TDRD10: variants seen among roughly 807,000 people sequenced by gnomAD.
TDRD10 encodes the protein tudor domain containing 10.
Under a neutral mutation model 48.0 loss-of-function variants are expected in TDRD10, and 40 were observed. That is an observed-to-expected ratio of 0.83 (90% CI 0.65 to 1.09). The LOEUF (loss-of-function observed/expected upper bound fraction) is 1.09. TDRD10 is among the 50% of genes least tolerant of loss of function. The pLI is 0.00. For missense variants in TDRD10, 378 were observed against 434.7 expected, an observed-to-expected ratio of 0.87 and a Z score of 1.16; for synonymous variants, 162 against 170.4, an observed-to-expected ratio of 0.95 and a Z score of 0.38.
chr1:154,515,543 G>A (rs1323301530), intron 4 of TDRD10, among the ~76,000 whole-genome samples: 1 of 152,202 alleles, frequency 6.6e-6, no homozygotes, highest in Non-Finnish European at 1.5e-5. Flanking sequence ...GTTCAGCCCA[G>A]AACCTGCCAT....
At chr1:154,528,501 A>G (rs1694431579) in intron 6 of TDRD10, among the ~76,000 whole-genome samples, 1 of 151,826 alleles carries the variant, frequency 6.6e-6, no homozygotes, top group Admixed American at 6.6e-5. Flanking sequence ...GCAGGATTAC[A>G]GGTGTGAGAT....
At chr1:154,541,301 G>C (rs1036403836) in intron 6 of TDRD10, among the ~76,000 whole-genome samples, 1 of 151,944 alleles carries the variant, frequency 6.6e-6, no homozygotes, top group Non-Finnish European at 1.5e-5. Context: ...AGGGGTTGGT[G>C]GTGGGGGTTG....
chr1:154,536,666 T>G (rs1408526247), intron 6 of TDRD10, among the ~76,000 whole-genome samples: 3 of 152,202 alleles, frequency 2.0e-5, no homozygotes, highest in African/African-American at 7.2e-5. Context: ...GCCCAAAAGA[T>G]TCCCCCTTCA....
chr1:154,545,771 CTTT>C (rs368587572), intron 11 of TDRD10, among the ~76,000 whole-genome samples: 40 of 129,230 alleles, frequency 3.1e-4, no homozygotes, highest in Admixed American at 2.4e-4. Flanking sequence ...CAAACTAAGT[CTTT>C]TTTTTTTTTT....
Position 154,528,273 on chromosome 1 carries a change from G to A in TDRD10, c.369+6794G>A, listed in dbSNP as rs540105152. Among the ~76,000 whole-genome samples the A allele has an allele frequency of 3.2e-3, 473 of 147,968 alleles. 1 individual carries two copies. Among genetic ancestry groups the A allele is most frequent in the Middle Eastern group, 0.01 (3 of 286 alleles). On this transcript the variant is annotated intron_variant, in intron 6 of 12. Coordinates refer to ENST00000368482, the MANE Select transcript of TDRD10 (RefSeq NM_182499.4). ...AGTCTTGCTCTGTTGCCCAGGCTGGGAGTGCAGTGGCGTGATCTTCATTCA... is the reference window on the plus strand; with the variant it reads ...AGTCTTGCTCTGTTGCCCAGGCTGGAAGTGCAGTGGCGTGATCTTCATTCA...
chr1:154,509,688 T>G (rs980075547), intron 4 of TDRD10: 1 of 329,784 alleles, frequency 3.0e-6, no homozygotes, highest in Non-Finnish European at 4.3e-6. Flanking sequence ...AGTAAATCAT[T>G]GTGATCCAAT....
At chr1:154,529,435 ATGTAT>A (rs539885801) in intron 6 of TDRD10, among the ~76,000 whole-genome samples, 115 of 152,288 alleles carry the variant, frequency 7.6e-4, no homozygotes, top group African/African-American at 2.4e-3. Flanking sequence ...GAGATGGAAG[ATGTAT>A]TGTATTGGTT....
At chr1:154,527,673 A>G (rs1254553339) in intron 6 of TDRD10, among the ~76,000 whole-genome samples, 1 of 152,208 alleles carries the variant, frequency 6.6e-6, no homozygotes, top group Non-Finnish European at 1.5e-5. Context: ...AGTTAAAATA[A>G]AGACCACCTC....
chr1:154,528,166 G>C (rs1694408617), intron 6 of TDRD10, among the ~76,000 whole-genome samples: 1 of 149,470 alleles, frequency 6.7e-6, no homozygotes, highest in Non-Finnish European at 1.5e-5. Context: ...CCAAGGTGAG[G>C]CCAGAAGTTC....
intron 4 of TDRD10, 146 bp from the exon 5 acceptor site, chr1:154,520,158 A>G: frequency 1.6e-6 from 1 of 608,402 alleles, no homozygotes; most frequent in South Asian, 2.1e-5. Context: ...CCTATCCTAC[A>G]AAACATGGCA....
At chr1:154,513,070 C>A (rs1693569274) in intron 4 of TDRD10, among the ~76,000 whole-genome samples, 1 of 152,102 alleles carries the variant, frequency 6.6e-6, no homozygotes, top group Admixed American at 6.6e-5. Flanking sequence ...ATTTGTAATA[C>A]TATTTTATCT....
In TDRD10 at chr1:154,508,433, A is replaced by G. The variant is rs1437863343; in HGVS notation, c.93A>G (p.Lys31=). The change falls in exon 4 of 13, where the codon AAA becomes AAG. Residue 31 remains lysine, a synonymous_variant. Transcript: ENST00000368482. ...TGTTTTTCTTCTTAGGATTCAAGAA[A>G]AGAGAGACAGAGGTGTATGTTGGCA... ...LEEQKSPGFK[K]RETEVYVGNL... 2 of 1,608,950 alleles carry G rather than the reference A, an allele frequency of 1.2e-6. No homozygotes were observed. The highest frequency in any genetic ancestry group is 1.7e-6 in the Non-Finnish European group (2 of 1,175,412).
In TDRD10 at chr1:154,530,304, C is replaced by G. The variant is rs529578199; in HGVS notation, c.369+8825C>G. Among the ~76,000 whole-genome samples, 5 of 152,010 alleles carry G rather than the reference C, an allele frequency of 3.3e-5. No homozygotes were observed. In the East Asian group the frequency reaches 9.6e-4, roughly 29 times the overall value. Reference sequence around the variant, plus strand: ...TGCTGGGATTAGAGGCATGAAGTGTCTGGCCTAAAAACATTTTCATTAGAT... The same window carrying G: ...TGCTGGGATTAGAGGCATGAAGTGTGTGGCCTAAAAACATTTTCATTAGAT... On this transcript the variant is annotated intron_variant, in intron 6 of 12. Transcript: ENST00000368482.
Position 154,547,703 on chromosome 1 carries a change from C to T in TDRD10, c.1049C>T (p.Ser350Phe), listed in dbSNP as rs749650937. The T allele has an allele frequency of 2.5e-5, 41 of 1,613,748 alleles. No homozygotes were observed. In the South Asian group the frequency reaches 4.4e-4, roughly 17 times the overall value. The change falls in exon 13 of 13, where the codon TCT becomes TTT. Residue 350 changes from serine (S) to phenylalanine (F), a missense_variant. By Grantham distance (155) the Ser-to-Phe change is radical. Coordinates refer to ENST00000368482, the MANE Select transcript of TDRD10 (RefSeq NM_182499.4). Reference protein sequence around the residue: ...SALHILKFEESK With the variant: ...SALHILKFEEFK ...TTGCACATCCTAAAGTTTGAAGAGT[C>T]TAAATAACGGGGCTTCCCTCAGCAT...
chr1:154,538,767 G>A (rs1695059997), intron 6 of TDRD10, among the ~76,000 whole-genome samples: 1 of 109,528 alleles, frequency 9.1e-6, no homozygotes, highest in Admixed American at 8.5e-5. Flanking sequence ...GCAGGAGAAT[G>A]GTATGAACCT....
At chr1:154,514,328 G>C (rs765628349) in intron 4 of TDRD10, among the ~76,000 whole-genome samples, 2 of 152,188 alleles carry the variant, frequency 1.3e-5, no homozygotes, top group Non-Finnish European at 2.9e-5. Context: ...TTGATAGTAA[G>C]ACATTATTGT....
At chr1:154,526,612 C>T (rs1694330350) in intron 6 of TDRD10, among the ~76,000 whole-genome samples, 2 of 152,044 alleles carry the variant, frequency 1.3e-5, no homozygotes, top group Admixed American at 6.6e-5. Flanking sequence ...CACGCCACCA[C>T]GCCCAGCTAA....
chr1:154,521,480 G>T lies in TDRD10; in HGVS notation c.369+1G>T, dbSNP rs1484712248. ...GATCCAGCAGCCTCGGGCCCCGCTG[G>T]TATGTCTTCTGGCCTTTCTGCTCTG... On this transcript the variant is annotated splice_donor_variant, in intron 6 of 12. Coordinates refer to ENST00000368482, the MANE Select transcript of TDRD10 (RefSeq NM_182499.4). LOFTEE classifies it high-confidence loss of function. 1 of 1,613,372 alleles carries T rather than the reference G, an allele frequency of 6.2e-7. No individual in the cohort carries two copies. Among genetic ancestry groups the T allele is most frequent in the Non-Finnish European group, 8.5e-7 (1 of 1,179,962 alleles).
In TDRD10 at chr1:154,509,249, C is replaced by T. The variant is rs75984453; in HGVS notation, c.141+768C>T. On this transcript the variant is annotated intron_variant, in intron 4 of 12. Coordinates refer to ENST00000368482, the MANE Select transcript of TDRD10 (RefSeq NM_182499.4). ...ACCTTTGTGGAACCCCTGCAGCATG[C>T]CAGACATTTTTCAAAATTTTCTTGT... Among the ~76,000 whole-genome samples, 37 of 152,150 alleles carry T rather than the reference C, an allele frequency of 2.4e-4. 1 individual carries two copies. In the East Asian group the frequency reaches 7.1e-3, roughly 29 times the overall value.
Sources: gnomAD v4.1 joint callset for allele counts (sites outside exome capture counted in the v4.1 genomes callset) on GRCh38, gnomAD v4.1.1 for gene constraint, MANE v1.5 for transcripts, NCBI Gene and HGNC (gene_info 2026-07-23, HGNC 2026-07-21) for gene names.